Variants in ZNF664 observed in about 807,000 individuals in gnomAD.
ZNF664 encodes the protein zinc finger protein 664.
Under a neutral mutation model 18.2 loss-of-function variants are expected in ZNF664, and 10 were observed. That is an observed-to-expected ratio of 0.55 (90% confidence interval 0.34 to 0.93). The LOEUF (loss-of-function observed/expected upper bound fraction) is 0.93, where lower values mean the gene tolerates loss of function less well. Ranked by LOEUF, ZNF664 falls within the 40% of genes least tolerant of loss-of-function variation. The pLI, the probability that ZNF664 is intolerant of heterozygous loss-of-function variation, is 0.02. For missense variants in ZNF664, 193 were observed against 319.0 expected (o/e 0.61, Z 3.01); for synonymous variants, 119 against 104.2 (o/e 1.14, Z -0.86).
chr12:123,973,457 T>A, intron 1 of ZNF664, 105 bp downstream of exon 1: 1 of 724,872 alleles, frequency 1.4e-6, no homozygotes, highest in Non-Finnish European at 1.7e-6. Flanking sequence ...TGGAGTGGCT[T>A]AAAGAAAAGA....
At position 124,013,828 on chromosome 12, in the gene ZNF664, A is replaced by C. The variant is rs1214710929; in HGVS notation, c.*898A>C. 1 of 167,106 alleles carries C rather than the reference A, an allele frequency of 6.0e-6. No homozygotes were observed. The highest frequency in any genetic ancestry group is 2.1e-4 in the South Asian group (1 of 4,826). The allele number at this position is 167,106 out of a possible 1,614,324, so 10.4% of individuals were successfully genotyped here. A position where few individuals can be genotyped will look rare whatever the true frequency, so the allele number is the denominator to read the frequency against. The stretch of plus-strand genomic sequence containing the variant: ...CTTATGAGAAGTGGATGGTAGGAGG[A>C]GTCACTAATGTTTCAATCTCTATTT... On this transcript the variant is annotated 3_prime_UTR_variant, in exon 5 of 5. Coordinates refer to ENST00000337815, the MANE Select transcript of ZNF664 (RefSeq NM_152437.3).
At position 124,012,046 on chromosome 12, in the gene ZNF664, CA is replaced by C. The variant is rs894355311; in HGVS notation, c.-95del. On this transcript the variant is annotated 5_prime_UTR_variant, in exon 5 of 5. It adds an upstream start codon to the 5' untranslated region. Transcript: ENST00000337815. ...ATAGAGCAAGCCTGAGATAGACTGC[CA>C]AAATGGCCAAATAAGAGACTCTATG... 2.0e-6 allele frequency: 3 copies of C among 1,473,552 alleles called. No individual in the cohort carries two copies. The highest frequency in any genetic ancestry group is 2.7e-6 in the Non-Finnish European group (3 of 1,121,240). 91.3% of individuals were successfully genotyped at this position (1,473,552 alleles called of 1,614,324 possible). A position where few individuals can be genotyped will look rare whatever the true frequency, so the allele number is the denominator to read the frequency against.
chr12:124,013,035 C>G lies in ZNF664; in HGVS notation c.*105C>G. 7.4e-7 allele frequency: 1 copy of G among 1,359,798 alleles called. No individual in the cohort carries two copies. 84.2% of individuals were successfully genotyped at this position (1,359,798 alleles called of 1,614,324 possible). A position where few individuals can be genotyped will look rare whatever the true frequency, so the allele number is the denominator to read the frequency against. ...CAAGAAATATTTACGCAATCCCTAG[C>G]AGAACATTGTTTCTGAGGAGGCATA... On this transcript the variant is annotated 3_prime_UTR_variant, in exon 5 of 5. Transcript: ENST00000337815.
At chr12:123,986,271 C>G (rs1225699383) in intron 2 of ZNF664, among the ~76,000 whole-genome samples, 1 of 152,156 alleles carries the variant, frequency 6.6e-6, no homozygotes, top group African/African-American at 2.4e-5. Context: ...ACTTTCTGTA[C>G]AAGGGGCTAT....
chr12:123,980,898 G>T (rs1956756829), intron 2 of ZNF664, among the ~76,000 whole-genome samples: 1 of 152,096 alleles, frequency 6.6e-6, no homozygotes, highest in East Asian at 1.9e-4. Flanking sequence ...GTATATCTGG[G>T]ACATGATAGC....
intron 3 of ZNF664, among the ~76,000 whole-genome samples, chr12:123,992,350 G>A (rs1377997787): frequency 2.6e-5 from 4 of 152,208 alleles, no homozygotes; most frequent in Non-Finnish European, 4.4e-5. Flanking sequence ...GCTGTGCACA[G>A]GAGGGCATCA....
intron 3 of ZNF664, among the ~76,000 whole-genome samples, chr12:123,993,713 A>AT (rs2138383878): frequency 6.6e-6 from 1 of 152,084 alleles, no homozygotes; most frequent in African/African-American, 2.4e-5. Context: ...CCTTTAATTT[A>AT]TTTTTTGGGT....
At chr12:124,009,200 T>G (rs987395476) in intron 3 of ZNF664, among the ~76,000 whole-genome samples, 6 of 152,224 alleles carry the variant, frequency 3.9e-5, no homozygotes, top group Non-Finnish European at 8.8e-5. Context: ...GTTAAATTGT[T>G]GAAAGAAGTG....
At position 123,973,222 on chromosome 12, in the gene ZNF664, C is replaced by G; in HGVS notation, c.-1022C>G. The G allele has an allele frequency of 1.0e-6, 1 of 986,042 alleles. No homozygotes were observed. The highest frequency in any genetic ancestry group is 1.8e-5 in the African/African-American group (1 of 56,484). 61.1% of individuals were successfully genotyped at this position (986,042 alleles called of 1,614,324 possible). On this transcript the variant is annotated 5_prime_UTR_variant, in exon 1 of 5. Transcript: ENST00000337815. ...CCTCGTGCGTGCGCACGCGCGCTGTCCCCCGGAGGCGTCTGGGTGTGCGGA... is the reference window on the plus strand; with the variant it reads ...CCTCGTGCGTGCGCACGCGCGCTGTGCCCCGGAGGCGTCTGGGTGTGCGGA...
At chr12:123,975,599 A>G (rs1030974321) in intron 2 of ZNF664, among the ~76,000 whole-genome samples, 30 of 151,986 alleles carry the variant, frequency 2.0e-4, no homozygotes, top group African/African-American at 7.3e-4. Context: ...TGGCTGATTT[A>G]TTTTATTTTT....
chr12:123,988,524 C>G (rs1956850615), intron 3 of ZNF664, among the ~76,000 whole-genome samples: 1 of 151,986 alleles, frequency 6.6e-6, no homozygotes, highest in Admixed American at 6.5e-5. Context: ...TCTGTTGTTC[C>G]TATCCTCACC....
chr12:124,005,483 A>ATG (rs202223166), intron 3 of ZNF664, among the ~76,000 whole-genome samples: 14,590 of 142,656 alleles, frequency 0.1, 756 homozygotes, highest in South Asian at 0.12. Flanking sequence ...AATTTATAGA[A>ATG]TGTGTGTGTG....
At chr12:123,983,279 A>G (rs1956787743) in intron 2 of ZNF664, among the ~76,000 whole-genome samples, 1 of 152,272 alleles carries the variant, frequency 6.6e-6, no homozygotes, top group Admixed American at 6.5e-5. Flanking sequence ...AATACAATTT[A>G]ATTTTGAAGA....
At chr12:123,979,585 C>T (rs544259942) in intron 2 of ZNF664, among the ~76,000 whole-genome samples, 1 of 152,230 alleles carries the variant, frequency 6.6e-6, no homozygotes, top group East Asian at 1.9e-4. Flanking sequence ...TCTATTGCAG[C>T]GTCATTTATA....
At chr12:123,987,192 C>T (rs1956835435) in intron 2 of ZNF664, among the ~76,000 whole-genome samples, 1 of 152,218 alleles carries the variant, frequency 6.6e-6, no homozygotes, top group Admixed American at 6.5e-5. Flanking sequence ...TGTAATCCAG[C>T]ACTGTCCCCA....
chr12:123,995,864 T>C (rs1956942438), intron 3 of ZNF664, among the ~76,000 whole-genome samples: 1 of 152,214 alleles, frequency 6.6e-6, no homozygotes, highest in Admixed American at 6.5e-5. Flanking sequence ...AGGTCTGTTT[T>C]GTACCCCCTG....
At chr12:123,989,485 T>A (rs1375151125) in intron 3 of ZNF664, 2 of 152,250 alleles carry the variant, frequency 1.3e-5, no homozygotes, top group Non-Finnish European at 2.9e-5. Context: ...GAATTCCTTT[T>A]CATTCCCGTA....
intron 3 of ZNF664, chr12:124,005,752 A>G (rs1328271361): frequency 6.6e-6 from 1 of 152,546 alleles, no homozygotes. Context: ...CCATCCCTAC[A>G]ACAAGCTGTC....
In ZNF664 at chr12:124,011,697, G is replaced by A. The variant is rs1217405170; in HGVS notation, c.-448G>A. ...CTTCAAGGGGCAACTGCAGGGGCTC[G>A]AGACCAGCCAGCAGTATCTCATCCT... On this transcript the variant is annotated 5_prime_UTR_variant, in exon 5 of 5. Transcript: ENST00000337815. 60 of 1,006,632 alleles carry A rather than the reference G, an allele frequency of 6.0e-5. No homozygotes were observed. The highest frequency in any genetic ancestry group is 6.6e-5 in the Non-Finnish European group (56 of 846,272). 62.4% of individuals were successfully genotyped at this position (1,006,632 alleles called of 1,614,324 possible).
Sources: allele counts gnomAD v4.1 joint callset (sites outside exome capture counted in the v4.1 genomes callset), GRCh38; gene constraint gnomAD v4.1.1; transcripts MANE v1.5; gene names NCBI Gene and HGNC (gene_info 2026-07-23, HGNC 2026-07-21).